Variants in GRIK3 observed in about 807,000 individuals in gnomAD.
GRIK3 encodes the protein glutamate receptor ionotropic, kainate 3.
A neutral mutation model predicts 102.5 loss-of-function variants in GRIK3; 29 were observed. The observed-to-expected ratio is 0.28, with a 90% CI of 0.21 to 0.39. The LOEUF is 0.39. Among genes scored for constraint, GRIK3 ranks in the 10% least tolerant of loss-of-function variants. GRIK3 has a pLI of 1.00. For missense variants in GRIK3, 908 were observed against 1,252.4 expected, an observed-to-expected ratio of 0.73 and a Z score of 4.15; for synonymous variants, 511 against 504.9, an observed-to-expected ratio of 1.01 and a Z score of -0.16.
At chr1:36,977,222 G>A (rs1642204657) in intron 1 of GRIK3, among the ~76,000 whole-genome samples, 1 of 152,186 alleles carries the variant, frequency 6.6e-6, no homozygotes, top group Non-Finnish European at 1.5e-5. Context: ...TTACTTCATT[G>A]AATCCTTATA....
intron 10 of GRIK3, among the ~76,000 whole-genome samples, chr1:36,830,858 ACACAGAGAAGGCCATG>A: frequency 6.6e-6 from 1 of 151,550 alleles, no homozygotes; most frequent in East Asian, 1.9e-4. Context: ...GCACAGATAC[ACACAGAGAAGGCCATG>A]TGATGCTGGA....
rs571099861 is a variant in GRIK3 at position 36,923,920 on chromosome 1, T to G, written c.116-32824A>C. Among the ~76,000 whole-genome samples the G allele has an allele frequency of 6.6e-5, 10 of 152,074 alleles. No homozygotes were observed. In the East Asian group the frequency reaches 2.0e-3, roughly 30 times the overall value. The stretch of plus-strand genomic sequence containing the variant: ...ACACATGCACTGGCTGACCCACACA[T>G]GCACACACCTGCATTCAAGGGCCCA... On this transcript the variant is annotated intron_variant, in intron 1 of 15. Coordinates refer to ENST00000373091, the MANE Select transcript of GRIK3 (RefSeq NM_000831.4).
At chr1:36,863,082 G>T (rs1640744638) in intron 5 of GRIK3, among the ~76,000 whole-genome samples, 2 of 152,118 alleles carry the variant, frequency 1.3e-5, no homozygotes. Context: ...GATTCACATG[G>T]GCACACGACT....
At chr1:37,024,109 G>A (rs1305526679) in intron 1 of GRIK3, among the ~76,000 whole-genome samples, 2 of 152,214 alleles carry the variant, frequency 1.3e-5, no homozygotes, top group African/African-American at 4.8e-5. Context: ...TAAAAAGCCT[G>A]AAACAATCTG....
Position 37,033,981 on chromosome 1 carries a change from AG to A in GRIK3, c.115+12del. ...CGGGCGCACGGAGACCCCCGGCTCC[AG>A]GGAGCGCTTACCGATCCGGATGACG... On this transcript the variant is annotated intron_variant, in intron 1 of 15. Transcript: ENST00000373091. The A allele has an allele frequency of 6.6e-7, 1 of 1,514,940 alleles. No homozygotes were observed. The highest frequency in any genetic ancestry group is 9.0e-7 in the Non-Finnish European group (1 of 1,106,320). The allele number at this position is 1,514,940 out of a possible 1,614,324, so 93.8% of individuals were successfully genotyped here. A position where few individuals can be genotyped will look rare whatever the true frequency, so the allele number is the denominator to read the frequency against.
intron 11 of GRIK3, among the ~76,000 whole-genome samples, chr1:36,825,320 G>A (rs1642743476): frequency 6.6e-6 from 1 of 152,134 alleles, no homozygotes; most frequent in African/African-American, 2.4e-5. Flanking sequence ...TGACCTCTAC[G>A]AGCCTGCCAA....
At chr1:36,986,042 C>T (rs1466846890) in intron 1 of GRIK3, among the ~76,000 whole-genome samples, 1 of 152,062 alleles carries the variant, frequency 6.6e-6, no homozygotes. Flanking sequence ...GCACAGCTTC[C>T]CCCAGCTATT....
intron 1 of GRIK3, among the ~76,000 whole-genome samples, chr1:36,905,962 A>G (rs1316481363): frequency 6.6e-6 from 1 of 152,108 alleles, no homozygotes; most frequent in Admixed American, 6.5e-5. Flanking sequence ...GGAGGAGGGG[A>G]AAGAGAGGGG....
intron 1 of GRIK3, among the ~76,000 whole-genome samples, chr1:36,940,788 C>G (rs1349396499): frequency 6.6e-6 from 1 of 152,208 alleles, no homozygotes; most frequent in Non-Finnish European, 1.5e-5. Flanking sequence ...GAAAACAGAG[C>G]TCACACTCAT....
At chr1:36,838,559 A>G (rs1400377397) in intron 10 of GRIK3, among the ~76,000 whole-genome samples, 2 of 152,180 alleles carry the variant, frequency 1.3e-5, no homozygotes, top group African/African-American at 4.8e-5. Flanking sequence ...TAGCCACCCC[A>G]TCTTCCTCTG....
chr1:36,942,075 C>A (rs1164569219), intron 1 of GRIK3, among the ~76,000 whole-genome samples: 1 of 152,188 alleles, frequency 6.6e-6, no homozygotes, highest in African/African-American at 2.4e-5. Flanking sequence ...CAAGTTCAGT[C>A]CAGGCTTCCA....
chr1:36,819,908 C>T lies in GRIK3; in HGVS notation c.1755-54G>A, dbSNP rs1351402845. ...CTGGGAAGCAAGGGGCATCCACGCC[C>T]CAGCAGGCAGTGGTTTAGCAAACAC... On this transcript the variant is annotated intron_variant, in intron 11 of 15. Transcript: ENST00000373091. This position sits in a 1 kb window ranked among gnomAD's most constrained non-coding sequence, Gnocchi z 4.1. The T allele has an allele frequency of 1.0e-5, 9 of 896,232 alleles. No individual in the cohort carries two copies. The highest frequency in any genetic ancestry group is 1.5e-5 in the Non-Finnish European group (8 of 546,154). 55.5% of individuals were successfully genotyped at this position (896,232 alleles called of 1,614,324 possible).
intron 11 of GRIK3, among the ~76,000 whole-genome samples, chr1:36,824,751 C>T (rs907350336): frequency 3.9e-5 from 6 of 151,950 alleles, no homozygotes; most frequent in African/African-American, 1.5e-4. Flanking sequence ...GGAGCGGGCC[C>T]CAGCAGCCAC....
At chr1:37,033,700 C>T (rs1329554127) in intron 1 of GRIK3, among the ~76,000 whole-genome samples, 1 of 152,220 alleles carries the variant, frequency 6.6e-6, no homozygotes, top group East Asian at 1.9e-4. Flanking sequence ...CGAAATGCGC[C>T]CTCGACTCGG....
Position 36,819,292 on chromosome 1 carries a change from C to G in GRIK3, c.1873+444G>C, listed in dbSNP as rs764358794. On this transcript the variant is annotated intron_variant, in intron 12 of 15. Transcript: ENST00000373091. The surrounding 1 kb of genome is among the most constrained non-coding windows in gnomAD (Gnocchi z 4.1). Reference sequence around the variant, plus strand: ...CTGCCTTCCACTCCCAGGGCCACCACGAGGTTCAGGTCTCATCACCTCATT... The same window carrying G: ...CTGCCTTCCACTCCCAGGGCCACCAGGAGGTTCAGGTCTCATCACCTCATT... Among the ~76,000 whole-genome samples, 2 of 152,208 alleles carry G rather than the reference C, an allele frequency of 1.3e-5. No individual in the cohort carries two copies. The highest frequency in any genetic ancestry group is 1.3e-4 in the Admixed American group (2 of 15,282).
chr1:36,885,782 C>A (rs1641031039), intron 2 of GRIK3, among the ~76,000 whole-genome samples: 1 of 152,188 alleles, frequency 6.6e-6, no homozygotes, highest in African/African-American at 2.4e-5. Flanking sequence ...AACTCTTGTT[C>A]TGGCAGCCCT....
At chr1:36,837,222 G>C (rs1253857735) in intron 10 of GRIK3, among the ~76,000 whole-genome samples, 4 of 152,084 alleles carry the variant, frequency 2.6e-5, no homozygotes, top group Non-Finnish European at 5.9e-5. Context: ...CTCCAGCCCT[G>C]CTCCTTCCTC....
chr1:36,982,309 G>A (rs779021157), intron 1 of GRIK3, among the ~76,000 whole-genome samples: 2 of 152,168 alleles, frequency 1.3e-5, no homozygotes, highest in Non-Finnish European at 2.9e-5. Context: ...TCAGGGGCAG[G>A]GTCTCACATG....
intron 10 of GRIK3, among the ~76,000 whole-genome samples, chr1:36,832,877 A>G (rs755562752): frequency 2.6e-5 from 4 of 152,226 alleles, no homozygotes; most frequent in Non-Finnish European, 5.9e-5. Context: ...GACCTAGCAC[A>G]GCCCAACGGA....
Sources: gnomAD v4.1 joint callset for allele counts (sites outside exome capture counted in the v4.1 genomes callset) on GRCh38, gnomAD v4.1.1 for gene constraint, Gnocchi (gnomAD v3.1) non-coding constraint, MANE v1.5 for transcripts, NCBI Gene and HGNC (gene_info 2026-07-23, HGNC 2026-07-21) for gene names.